DNER: variants seen among roughly 807,000 people sequenced by gnomAD.
DNER encodes delta and Notch-like epidermal growth factor-related receptor.
In DNER, 33 loss-of-function variants were observed where a neutral mutation model predicts 78.2. The observed-to-expected ratio is 0.42, with a 90% CI of 0.32 to 0.56. DNER has a LOEUF of 0.56. Ranked by LOEUF, DNER falls within the 20% of genes least tolerant of loss-of-function variation. The pLI is 0.11. For synonymous variants in DNER, 417 were observed against 384.8 expected (o/e 1.08, Z -0.98); for missense variants, 918 against 975.3 (o/e 0.94, Z 0.78).
At chr2:229,544,119 A>G (rs1696572146) in intron 5 of DNER, among the ~76,000 whole-genome samples, 1 of 152,174 alleles carries the variant, frequency 6.6e-6, no homozygotes, top group South Asian at 2.1e-4. Flanking sequence ...TCTTTTCTCC[A>G]GTTATTTTAC....
intron 4 of DNER, among the ~76,000 whole-genome samples, chr2:229,561,466 C>T (rs1326175749): frequency 6.6e-6 from 1 of 152,144 alleles, no homozygotes; most frequent in African/African-American, 2.4e-5. Context: ...ACTTTATAAA[C>T]ATCTCAGGTA....
At chr2:229,459,704 G>C (rs896110593) in intron 7 of DNER, among the ~76,000 whole-genome samples, 1 of 151,972 alleles carries the variant, frequency 6.6e-6, no homozygotes, top group Non-Finnish European at 1.5e-5. Flanking sequence ...AAGAGAGTTC[G>C]TGTGAAAGCA....
Position 229,379,753 on chromosome 2 carries a change from C to T in DNER, c.1855+8512G>A, listed in dbSNP as rs537339852. Among the ~76,000 whole-genome samples, 6 of 152,234 alleles carry T rather than the reference C, an allele frequency of 3.9e-5. No individual in the cohort carries two copies. The South Asian group carries it at 8.3e-4, about 21-fold the overall frequency. Reference sequence around the variant, plus strand: ...TCAGCACAAGCAAATGCAGTCATAACGAGTGCCTTGGCCAGGATAAGAACC... The same window carrying T: ...TCAGCACAAGCAAATGCAGTCATAATGAGTGCCTTGGCCAGGATAAGAACC... On this transcript the variant is annotated intron_variant, in intron 11 of 12. Transcript: ENST00000341772.
At chr2:229,692,589 C>T (rs1394890013) in intron 1 of DNER, among the ~76,000 whole-genome samples, 1 of 152,150 alleles carries the variant, frequency 6.6e-6, no homozygotes, top group Non-Finnish European at 1.5e-5. Context: ...TGAGCAGTTA[C>T]TTCTGAATAT....
intron 4 of DNER, 49 bp downstream of exon 4, chr2:229,585,809 G>A: frequency 6.2e-7 from 1 of 1,606,032 alleles, no homozygotes; most frequent in Non-Finnish European, 8.5e-7. Context: ...CCAAACCAAA[G>A]TTGGGTTGAA....
At chr2:229,428,790 T>A (rs1693940552) in intron 8 of DNER, among the ~76,000 whole-genome samples, 2 of 151,752 alleles carry the variant, frequency 1.3e-5, no homozygotes, top group African/African-American at 4.8e-5. Context: ...AAAGGCCTTA[T>A]GTAAGAAGAC....
chr2:229,453,720 T>C (rs1694508144), intron 7 of DNER, among the ~76,000 whole-genome samples: 1 of 152,100 alleles, frequency 6.6e-6, no homozygotes. Flanking sequence ...ATAAGTGGTC[T>C]CTGATTTTCT....
chr2:229,501,975 G>C (rs1424667514), intron 6 of DNER, among the ~76,000 whole-genome samples: 1 of 152,180 alleles, frequency 6.6e-6, no homozygotes, highest in Non-Finnish European at 1.5e-5. Flanking sequence ...TGCTGCTTTG[G>C]TCAAAGAAGG....
intron 7 of DNER, among the ~76,000 whole-genome samples, chr2:229,459,981 C>A (rs1694657747): frequency 6.6e-6 from 1 of 151,682 alleles, no homozygotes; most frequent in Admixed American, 6.6e-5. Flanking sequence ...CATGGTGAAA[C>A]CCCGTCTCTA....
intron 1 of DNER, among the ~76,000 whole-genome samples, chr2:229,602,712 GA>G (rs970558388): frequency 4.6e-5 from 7 of 152,038 alleles, no homozygotes; most frequent in African/African-American, 1.7e-4. Flanking sequence ...TATAATAGAT[GA>G]AAAAAATTAA....
intron 5 of DNER, among the ~76,000 whole-genome samples, 173 bp downstream of exon 5, chr2:229,546,774 C>G (rs72985916): frequency 6.6e-6 from 1 of 150,504 alleles, no homozygotes; most frequent in Non-Finnish European, 1.5e-5. Flanking sequence ...TGGCTTGAGA[C>G]AGACAGATAG....
At chr2:229,546,830 C>CAGACAGACAGATAGATAGATAGATAGAT in intron 5 of DNER, 117 bp downstream of exon 5, 1 of 1,214,644 alleles carries the variant, frequency 8.2e-7, no homozygotes, top group South Asian at 1.5e-5. Context: ...GACAGACAGA[C>CAGACAGACAGATAGATAGATAGATAGAT]AGATAGATAG....
intron 10 of DNER, among the ~76,000 whole-genome samples, chr2:229,392,342 G>A (rs1238796092): frequency 2.0e-5 from 3 of 151,726 alleles, no homozygotes; most frequent in Admixed American, 2.0e-4. Flanking sequence ...CTGCAAGAAG[G>A]GAAATAAAAC....
At chr2:229,617,028 G>A (rs902295011) in intron 1 of DNER, among the ~76,000 whole-genome samples, 12 of 152,180 alleles carry the variant, frequency 7.9e-5, no homozygotes, top group African/African-American at 2.9e-4. Flanking sequence ...AAGATGAAAA[G>A]CCGGGATTTC....
intron 9 of DNER, among the ~76,000 whole-genome samples, chr2:229,407,894 T>C (rs956860739): frequency 2.0e-5 from 3 of 152,176 alleles, no homozygotes; most frequent in Admixed American, 1.3e-4. Context: ...GAGACAATTA[T>C]CCTTATTCCT....
At position 229,521,529 on chromosome 2, in the gene DNER, C is replaced by CA. The variant is rs1696098082; in HGVS notation, c.994-8594dup. Among the ~76,000 whole-genome samples, 8 of 152,290 alleles carry CA rather than the reference C, an allele frequency of 5.3e-5. No individual in the cohort carries two copies. In the South Asian group the frequency reaches 1.7e-3, roughly 32 times the overall value. ...GGTGACAGACACTAAAACCTAGATACAAAACAGTAACCATTGACACATTTT... is the reference window on the plus strand; with the variant it reads ...GGTGACAGACACTAAAACCTAGATACAAAAACAGTAACCATTGACACATTTT... On this transcript the variant is annotated intron_variant, in intron 5 of 12. Coordinates refer to ENST00000341772, the MANE Select transcript of DNER (RefSeq NM_139072.4).
intron 10 of DNER, among the ~76,000 whole-genome samples, chr2:229,392,649 A>G (rs1693040817): frequency 1.3e-5 from 2 of 152,076 alleles, no homozygotes; most frequent in Admixed American, 1.3e-4. Flanking sequence ...TTGCACTGCC[A>G]GAGTGGAACT....
chr2:229,416,483 A>G (rs1000900633), intron 9 of DNER, among the ~76,000 whole-genome samples: 2 of 152,158 alleles, frequency 1.3e-5, no homozygotes, highest in Non-Finnish European at 2.9e-5. Flanking sequence ...CATGAGGCAG[A>G]GAGAGGCCTC....
At chr2:229,670,836 A>T (rs1699194424) in intron 1 of DNER, among the ~76,000 whole-genome samples, 1 of 152,146 alleles carries the variant, frequency 6.6e-6, no homozygotes, top group Admixed American at 6.5e-5. Flanking sequence ...TATTTTACTT[A>T]TTTGCAACTA....
Sources: gnomAD v4.1 joint callset for allele counts (sites outside exome capture counted in the v4.1 genomes callset) on GRCh38, gnomAD v4.1.1 for gene constraint, MANE v1.5 for transcripts, NCBI Gene and HGNC (gene_info 2026-07-23, HGNC 2026-07-21) for gene names.